The following GNAL variants were observed in gnomAD, a reference collection of about 807,000 sequenced individuals.
GNAL encodes the protein G protein subunit alpha L.
A neutral mutation model predicts 55.1 loss-of-function variants in GNAL; 18 were observed. That is an observed-to-expected ratio of 0.33 (90% CI 0.23 to 0.48). GNAL has a LOEUF of 0.48. Ranked by LOEUF, GNAL falls within the 20% of genes least tolerant of loss-of-function variation. The probability of loss-of-function intolerance (pLI) is 0.99; values close to 1 mark genes in which losing one functional copy is unlikely to be tolerated. For missense variants in GNAL, 412 were observed against 614.1 expected (o/e 0.67, Z 3.48); for synonymous variants, 253 against 237.0 (o/e 1.07, Z -0.62).
chr18:11,884,645 A>G lies in GNAL; in HGVS notation c.*3510A>G. ...ATGCTACCCTGGAAAGGAGAAGGGA[A>G]AGTTATGCTGAGAGCACCAGGCACA... is the stretch of plus-strand genomic sequence containing the variant. On this transcript the variant is annotated 3_prime_UTR_variant, in exon 12 of 12. Transcript: ENST00000334049. The G allele has an allele frequency of 1.2e-6, 2 of 1,611,224 alleles. No homozygotes were observed. Among genetic ancestry groups the G allele is most frequent in the Non-Finnish European group, 1.7e-6 (2 of 1,178,174 alleles).
At chr18:11,766,557 G>A (rs976899847) in intron 4 of GNAL, among the ~76,000 whole-genome samples, 14 of 152,194 alleles carry the variant, frequency 9.2e-5, no homozygotes, top group Non-Finnish European at 1.9e-4. Flanking sequence ...CCCAAAGGGC[G>A]ATCTTCTCAA....
At chr18:11,764,954 A>G (rs1241580688) in intron 4 of GNAL, among the ~76,000 whole-genome samples, 4 of 152,364 alleles carry the variant, frequency 2.6e-5, no homozygotes, top group East Asian at 1.9e-4. Flanking sequence ...TTTTACATCT[A>G]TTCTTCAAAT....
intron 1 of GNAL, among the ~76,000 whole-genome samples, chr18:11,698,262 G>T (rs1361119315): frequency 2.0e-5 from 3 of 152,096 alleles, no homozygotes; most frequent in Non-Finnish European, 4.4e-5. Flanking sequence ...GGAGGCCGAG[G>T]CGGGTGGATC....
In GNAL at chr18:11,699,764, T is replaced by A. The variant is rs113672533; in HGVS notation, c.376+9825T>A. ...GGAAACCGCTCCCTATGATACCATA[T>A]GAGTGGACAATGTCACCACATACTT... is the stretch of plus-strand genomic sequence containing the variant. On this transcript the variant is annotated intron_variant, in intron 1 of 11. Transcript: ENST00000334049. Among the ~76,000 whole-genome samples, 764 of 152,276 alleles carry A rather than the reference T, an allele frequency of 5.0e-3. 7 individuals are homozygous for A. The highest frequency in any genetic ancestry group is 0.018 in the African/African-American group (731 of 41,542).
chr18:11,768,322 C>T (rs555825768), intron 4 of GNAL, among the ~76,000 whole-genome samples: 19 of 152,138 alleles, frequency 1.2e-4, no homozygotes, highest in African/African-American at 3.4e-4. Context: ...ATGTATAGGC[C>T]GGGCACCGTG....
intron 5 of GNAL, among the ~76,000 whole-genome samples, chr18:11,861,913 A>T (rs2036150923): frequency 6.6e-6 from 1 of 151,186 alleles, no homozygotes; most frequent in South Asian, 2.1e-4. Flanking sequence ...CTTGCACACC[A>T]CATACTCGCT....
At chr18:11,807,243 A>G (rs996056048) in intron 4 of GNAL, among the ~76,000 whole-genome samples, 1 of 152,104 alleles carries the variant, frequency 6.6e-6, no homozygotes, top group African/African-American at 2.4e-5. Flanking sequence ...TTACAGCTGC[A>G]TAGTAATCAT....
chr18:11,855,200 A>G (rs535341031), intron 5 of GNAL, among the ~76,000 whole-genome samples: 1 of 152,262 alleles, frequency 6.6e-6, no homozygotes, highest in African/African-American at 2.4e-5. Context: ...TCGGCCTCCC[A>G]AAGTGCTGGG....
intron 5 of GNAL, among the ~76,000 whole-genome samples, chr18:11,850,902 A>G (rs1259249706): frequency 2.0e-5 from 3 of 152,242 alleles, no homozygotes; most frequent in Non-Finnish European, 4.4e-5. Context: ...AGACGCGTCA[A>G]TGACCCGTTT....
chr18:11,755,056 C>A (rs2033001589), intron 4 of GNAL, among the ~76,000 whole-genome samples: 1 of 151,330 alleles, frequency 6.6e-6, no homozygotes, highest in African/African-American at 2.4e-5. Context: ...AACAGTCTTT[C>A]AAAATTTGTA....
chr18:11,702,819 T>TAA (rs5823170), intron 1 of GNAL, among the ~76,000 whole-genome samples: 3,052 of 144,048 alleles, frequency 0.021, 61 homozygotes, highest in Middle Eastern at 0.042. Context: ...CCTTCCCACT[T>TAA]AAAAAAAAAA....
chr18:11,869,027 C>CACCCAA (rs1311021136), intron 9 of GNAL, among the ~76,000 whole-genome samples: 10 of 151,078 alleles, frequency 6.6e-5, no homozygotes, highest in African/African-American at 2.5e-4. Flanking sequence ...CACATACCTA[C>CACCCAA]ACCCACACCC....
At chr18:11,760,590 G>T (rs961469346) in intron 4 of GNAL, among the ~76,000 whole-genome samples, 8 of 152,162 alleles carry the variant, frequency 5.3e-5, no homozygotes, top group Non-Finnish European at 1.0e-4. Context: ...AGGTCTCACT[G>T]CCCCTCTGCT....
chr18:11,839,754 G>A (rs1598419431), intron 5 of GNAL, among the ~76,000 whole-genome samples: 1 of 152,128 alleles, frequency 6.6e-6, no homozygotes, highest in East Asian at 1.9e-4. Context: ...GCTGAACTGT[G>A]CTACAGCACA....
chr18:11,698,448 A>G (rs1029304165), intron 1 of GNAL, among the ~76,000 whole-genome samples: 1 of 149,790 alleles, frequency 6.7e-6, no homozygotes, highest in Admixed American at 6.7e-5. Flanking sequence ...CCAAGATTGC[A>G]CCACTACACT....
At position 11,689,527 on chromosome 18, in the gene GNAL, C is replaced by G; in HGVS notation, c.-37C>G. 1 of 1,083,354 alleles carries G rather than the reference C, an allele frequency of 9.2e-7. No homozygotes were observed. Among genetic ancestry groups the G allele is most frequent in the East Asian group, 3.4e-5 (1 of 29,516 alleles). 67.1% of individuals were successfully genotyped at this position (1,083,354 alleles called of 1,614,324 possible). On this transcript the variant is annotated 5_prime_UTR_variant, in exon 1 of 12. Transcript: ENST00000334049. ...GGCCGCCCTCGGCGCCCAGCCTGCC[C>G]TAGTCCCGCGCGCCGCCCCCGCTGT...
At chr18:11,844,986 C>T (rs1232410526) in intron 5 of GNAL, among the ~76,000 whole-genome samples, 1 of 152,102 alleles carries the variant, frequency 6.6e-6, no homozygotes, top group African/African-American at 2.4e-5. Context: ...CTGCCTCAGC[C>T]TCCCAAGTAG....
intron 9 of GNAL, among the ~76,000 whole-genome samples, chr18:11,869,288 C>T (rs954821754): frequency 2.6e-5 from 4 of 151,986 alleles, no homozygotes; most frequent in Non-Finnish European, 4.4e-5. Context: ...GGACTACAGG[C>T]GCCCTCCACC....
intron 1 of GNAL, among the ~76,000 whole-genome samples, chr18:11,742,809 T>C (rs1351172709): frequency 2.0e-5 from 3 of 152,148 alleles, no homozygotes; most frequent in Non-Finnish European, 4.4e-5. Context: ...CACACACCCC[T>C]CAGTGTCCCT....
Sources: gnomAD v4.1 joint callset for allele counts (sites outside exome capture counted in the v4.1 genomes callset) on GRCh38, gnomAD v4.1.1 for gene constraint, MANE v1.5 for transcripts, NCBI Gene and HGNC (gene_info 2026-07-23, HGNC 2026-07-21) for gene names.